Variants in HNRNPUL2 observed in about 807,000 individuals in gnomAD.
HNRNPUL2 encodes the protein heterogeneous nuclear ribonucleoprotein U-like protein 2.
HNRNPUL2 carries 27 observed loss-of-function variants against 102.2 expected under a neutral mutation model. The observed-to-expected ratio is 0.26, with a 90% CI of 0.19 to 0.36. The LOEUF (loss-of-function observed/expected upper bound fraction) is 0.36, where lower values mean the gene tolerates loss of function less well. Ranked by LOEUF, HNRNPUL2 falls within the 10% of genes least tolerant of loss-of-function variation. The pLI is 1.00. For synonymous variants in HNRNPUL2, 458 were observed against 387.2 expected (o/e 1.18, Z -2.15); for missense variants, 936 against 981.1 (o/e 0.95, Z 0.61).
At position 62,717,069 on chromosome 11, in the gene HNRNPUL2, G is replaced by A. The variant is rs1236575237; in HGVS notation, c.1901C>T (p.Pro634Leu). ...GCGATTTGTCCGCTTCTCGGAGGGGGGCAGAAGCTTCCTTGCCTCCTCCTT... is the reference window on the plus strand; with the variant it reads ...GCGATTTGTCCGCTTCTCGGAGGGGAGCAGAAGCTTCCTTGCCTCCTCCTT... ...KYKEEARKLL[P>L]PSEKRTNRRN... The change falls in exon 11 of 14, where the codon CCC becomes CTC. Residue 634 changes from proline (P) to leucine (L), a missense_variant. By Grantham distance (98) the Pro-to-Leu change is moderately conservative. Transcript: ENST00000301785. 3 of 1,614,160 alleles carry A rather than the reference G, an allele frequency of 1.9e-6. No individual in the cohort carries two copies. Among genetic ancestry groups the A allele is most frequent in the South Asian group, 2.2e-5 (2 of 91,074 alleles).
At chr11:62,719,609 G>A (rs1221757275) in intron 10 of HNRNPUL2, among the ~76,000 whole-genome samples, 1 of 152,148 alleles carries the variant, frequency 6.6e-6, no homozygotes, top group Non-Finnish European at 1.5e-5. Context: ...CCTCAATAAG[G>A]TGTGCACTGA....
At position 62,721,507 on chromosome 11, in the gene HNRNPUL2, T is replaced by A. The variant is rs2083702890; in HGVS notation, c.1483-84A>T. On this transcript the variant is annotated intron_variant, in intron 8 of 13. Transcript: ENST00000301785. ...AAAGCCCAAGAGTTATTGGTAAATG[T>A]CACCTCTTCAAATACTGAATCTATG... 2.4e-6 allele frequency: 3 copies of A among 1,248,568 alleles called. No individual in the cohort carries two copies. In the East Asian group the frequency reaches 7.1e-5, roughly 29 times the overall value. 77.3% of individuals were successfully genotyped at this position (1,248,568 alleles called of 1,614,324 possible).
In HNRNPUL2 at chr11:62,721,955, G is replaced by T; in HGVS notation, c.1360-13C>A. 4 of 1,612,780 alleles carry T rather than the reference G, an allele frequency of 2.5e-6. No homozygotes were observed. Among genetic ancestry groups the T allele is most frequent in the Non-Finnish European group, 2.5e-6 (3 of 1,179,622 alleles). On this transcript the variant is annotated splice_polypyrimidine_tract_variant and intron_variant, in intron 7 of 13. Transcript: ENST00000301785. ...CCATCAGAATCACCTGCAAAAAACA[G>T]AACCAGAAATATAATGAAAAATAAA... is the stretch of plus-strand genomic sequence containing the variant.
At chr11:62,722,577 C>T in intron 6 of HNRNPUL2, 24 bp downstream of exon 6, 2 of 1,581,500 alleles carry the variant, frequency 1.3e-6, no homozygotes, top group Non-Finnish European at 1.7e-6. Context: ...CTTGTTATAA[C>T]CCACAACTTT....
chr11:62,717,041 T>G lies in HNRNPUL2; in HGVS notation c.1929A>C (p.Arg643=). 6.2e-7 allele frequency: 1 copy of G among 1,613,936 alleles called. No homozygotes were observed. Residue 643 remains arginine, a synonymous_variant, in exon 11 of 14, where the codon CGA becomes CGC. Transcript: ENST00000301785. ...GCCGGTTACGCTTGTTTCGGTTGTT[T>G]CGGCGATTTGTCCGCTTCTCGGAGG... ...LPPSEKRTNR[R]NNRNKRNRQN...
rs766630079 is a variant in HNRNPUL2, at chr11:62,726,846, C to T, written c.311G>A (p.Gly104Asp). 1.3e-5 allele frequency: 21 copies of T among 1,588,800 alleles called. No homozygotes were observed. The highest frequency in any genetic ancestry group is 1.4e-5 in the Non-Finnish European group (17 of 1,174,964). Residue 104 changes from glycine to aspartate, a missense_variant, in exon 1 of 14, where the codon GGT becomes GAT. Physicochemically the swap from Gly to Asp is moderately conservative, Grantham distance 94. This residue lies in a region of HNRNPUL2 where 327 missense variants were observed against 268.1 expected (regional missense o/e 1.22). Coordinates refer to ENST00000301785, the MANE Select transcript of HNRNPUL2 (RefSeq NM_001079559.3). Reference sequence around the variant, plus strand: ...CTCCGGCGGCGGCTGCGCGGCCTGACCCAAGGCTTGAGCAGGGGGTGGCTC... The same window carrying T: ...CTCCGGCGGCGGCTGCGCGGCCTGATCCAAGGCTTGAGCAGGGGGTGGCTC... ...DEEPPPAQAL[G>D]QAAQPPPEPP...
intron 11 of HNRNPUL2, 35 bp from the exon 12 acceptor site, chr11:62,715,972 G>A (rs765725887): frequency 5.9e-6 from 9 of 1,528,020 alleles, no homozygotes; most frequent in African/African-American, 1.4e-5. Flanking sequence ...TCAGACAGCT[G>A]GCATGGGGTC....
intron 10 of HNRNPUL2, among the ~76,000 whole-genome samples, chr11:62,719,162 C>T (rs1046978306): frequency 6.6e-6 from 1 of 152,148 alleles, no homozygotes; most frequent in African/African-American, 2.4e-5. Flanking sequence ...CAAAACGAGC[C>T]AAGGCGGCTA....
intron 10 of HNRNPUL2, among the ~76,000 whole-genome samples, chr11:62,718,274 C>T (rs2083674971): frequency 6.6e-6 from 1 of 152,090 alleles, no homozygotes; most frequent in African/African-American, 2.4e-5. Context: ...ACATTACTCT[C>T]TGTCTTATGT....
chr11:62,727,169 C>T lies in HNRNPUL2; in HGVS notation c.-13G>A. The T allele has an allele frequency of 7.0e-7, 1 of 1,422,988 alleles. No homozygotes were observed. Among genetic ancestry groups the T allele is most frequent in the Non-Finnish European group, 9.2e-7 (1 of 1,089,598 alleles). 88.1% of individuals were successfully genotyped at this position (1,422,988 alleles called of 1,614,324 possible). A position where few individuals can be genotyped will look rare whatever the true frequency, so the allele number is the denominator to read the frequency against. ...GCTTCACCTCCATCGCCGCCGCCGC[C>T]TCCTCCGCCTCCCGCCGCCTCCTCC... is the stretch of plus-strand genomic sequence containing the variant. On this transcript the variant is annotated 5_prime_UTR_variant, in exon 1 of 14. Coordinates refer to ENST00000301785, the MANE Select transcript of HNRNPUL2 (RefSeq NM_001079559.3).
intron 10 of HNRNPUL2, among the ~76,000 whole-genome samples, chr11:62,719,782 T>C (rs920568391): frequency 6.6e-6 from 1 of 152,146 alleles, no homozygotes; most frequent in Non-Finnish European, 1.5e-5. Context: ...TCCTCATGAA[T>C]AGATTAATGC....
In HNRNPUL2 at chr11:62,727,092, G is replaced by C. The variant is rs1285105753; in HGVS notation, c.65C>G (p.Ser22Trp). Reference sequence around the variant, plus strand: ...CGCCAGATCCACCTTGAGGCCGCGCGAGTCCAGGCCCCGCCGCTGCAGCTC... The same window carrying C: ...CGCCAGATCCACCTTGAGGCCGCGCCAGTCCAGGCCCCGCCGCTGCAGCTC... ...RSELQRRGLDSRGLKVDLAQR... is the reference protein window; with the variant it reads ...RSELQRRGLDWRGLKVDLAQR... Residue 22 changes from serine (S) to tryptophan (W), a missense_variant, in exon 1 of 14, where the codon TCG becomes TGG. By Grantham distance (177) the Ser-to-Trp change is radical. Coordinates refer to ENST00000301785, the MANE Select transcript of HNRNPUL2 (RefSeq NM_001079559.3). 2 of 1,445,298 alleles carry C rather than the reference G, an allele frequency of 1.4e-6. No individual in the cohort carries two copies. The highest frequency in any genetic ancestry group is 1.3e-5 in the South Asian group (1 of 75,422). The allele number at this position is 1,445,298 out of a possible 1,614,324, so 89.5% of individuals were successfully genotyped here.
chr11:62,718,582 A>G (rs1590896135), intron 10 of HNRNPUL2, among the ~76,000 whole-genome samples: 2 of 151,252 alleles, frequency 1.3e-5, no homozygotes, highest in Admixed American at 1.3e-4. Flanking sequence ...AATCCCAGCT[A>G]CTCAAGAGGC....
Position 62,714,238 on chromosome 11 carries a change from T to C in HNRNPUL2, c.*1061A>G, listed in dbSNP as rs746741886. Reference sequence around the variant, plus strand: ...CCACACTGTAGAAAATAGTTGCTAGTTGCTATTCTCAGCACCTGGGCCTGT... The same window carrying C: ...CCACACTGTAGAAAATAGTTGCTAGCTGCTATTCTCAGCACCTGGGCCTGT... On this transcript the variant is annotated 3_prime_UTR_variant, in exon 14 of 14. Coordinates refer to ENST00000301785, the MANE Select transcript of HNRNPUL2 (RefSeq NM_001079559.3). 3 of 151,002 alleles carry C rather than the reference T, an allele frequency of 2.0e-5. No homozygotes were observed. The Admixed American group carries it at 2.0e-4, about 10-fold the overall frequency. The allele number at this position is 151,002 out of a possible 1,614,324, so 9.4% of individuals were successfully genotyped here.
At chr11:62,721,076 C>T (rs1254996734) in intron 9 of HNRNPUL2, among the ~76,000 whole-genome samples, 2 of 152,208 alleles carry the variant, frequency 1.3e-5, no homozygotes, top group East Asian at 1.9e-4. Flanking sequence ...CAAATGAGTT[C>T]CAACTCTTTC....
chr11:62,715,292 AGG>A lies in HNRNPUL2; in HGVS notation c.*5_*6del, dbSNP rs781353170. 51 of 1,608,604 alleles carry A rather than the reference AGG, an allele frequency of 3.2e-5. No individual in the cohort carries two copies. Among genetic ancestry groups the A allele is most frequent in the Non-Finnish European group, 4.2e-5 (50 of 1,177,044 alleles). ...TTCATGGCTGACAGGTGACCATGGC[AGG>A]GGCTTCACCGATACCCTTGGTACCC... On this transcript the variant is annotated 3_prime_UTR_variant, in exon 14 of 14. Transcript: ENST00000301785.
intron 9 of HNRNPUL2, 41 bp downstream of exon 9, chr11:62,721,249 TATACA>T: frequency 6.5e-7 from 1 of 1,547,596 alleles, no homozygotes; most frequent in Non-Finnish European, 8.8e-7. Flanking sequence ...TCTCTCTTTA[TATACA>T]CATCCCACCT....
At chr11:62,723,310 G>A (rs2083718296) in intron 4 of HNRNPUL2, among the ~76,000 whole-genome samples, 1 of 152,242 alleles carries the variant, frequency 6.6e-6, no homozygotes, top group East Asian at 1.9e-4. Context: ...CGACCAACAT[G>A]GAGAAACCCC....
At chr11:62,721,453 AAAAC>A in intron 8 of HNRNPUL2, 30 bp from the exon 9 acceptor site, 3 of 1,552,898 alleles carry the variant, frequency 1.9e-6, no homozygotes, top group Non-Finnish European at 2.6e-6. Context: ...GTGAAAAAAA[AAAAC>A]AAAACACAAG....
Sources: allele counts gnomAD v4.1 joint callset (sites outside exome capture counted in the v4.1 genomes callset), GRCh38; gene constraint gnomAD v4.1.1; regional missense constraint gnomAD v4.1.1; transcripts MANE v1.5; gene names NCBI Gene and HGNC (gene_info 2026-07-23, HGNC 2026-07-21).